PARP3: variants seen among roughly 807,000 people sequenced by gnomAD.
PARP3 encodes the protein poly(ADP-ribose) polymerase family member 3, also known as protein mono-ADP-ribosyltransferase PARP3.
A neutral mutation model predicts 58.2 loss-of-function variants in PARP3; 46 were observed. The ratio of observed to expected loss-of-function variants is 0.79; its 90% CI spans 0.62 to 1.01. PARP3 has a LOEUF of 1.01. PARP3 is among the 50% of genes least tolerant of loss of function. The probability of loss-of-function intolerance (pLI) is 0.00; values close to 1 mark genes in which losing one functional copy is unlikely to be tolerated. For missense variants in PARP3, 663 were observed against 683.9 expected, an observed-to-expected ratio of 0.97 and a Z score of 0.34; for synonymous variants, 252 against 266.4, an observed-to-expected ratio of 0.95 and a Z score of 0.53.
rs1699736023 is a variant in PARP3, at chr3:51,948,602, T to C, written c.*122T>C. 5 of 860,586 alleles carry C rather than the reference T, an allele frequency of 5.8e-6. No individual in the cohort carries two copies. The highest frequency in any genetic ancestry group is 8.9e-6 in the Non-Finnish European group (5 of 560,544). The allele number at this position is 860,586 out of a possible 1,614,324, so 53.3% of individuals were successfully genotyped here. ...GAATACAATACGTTGTTGTTAACTATAGTCACCATGCTGTACAAGATCCCT... is the reference window on the plus strand; with the variant it reads ...GAATACAATACGTTGTTGTTAACTACAGTCACCATGCTGTACAAGATCCCT... On this transcript the variant is annotated 3_prime_UTR_variant, in exon 11 of 11. Transcript: ENST00000398755.
Position 51,946,399 on chromosome 3 carries a change from C to A in PARP3, c.1276+56C>A. Reference sequence around the variant, plus strand: ...AGGGTTGGCACTAAGATGGATTGGGCCCAGTCCTTGGCCACTGGAAATTCA... The same window carrying A: ...AGGGTTGGCACTAAGATGGATTGGGACCAGTCCTTGGCCACTGGAAATTCA... On this transcript the variant is annotated intron_variant, in intron 9 of 10. Coordinates refer to ENST00000398755, the MANE Select transcript of PARP3 (RefSeq NM_001003931.4). The surrounding 1 kb of genome is among the most constrained non-coding windows in gnomAD (Gnocchi z 4.6). 2 of 1,413,096 alleles carry A rather than the reference C, an allele frequency of 1.4e-6. No homozygotes were observed. Among genetic ancestry groups the A allele is most frequent in the Non-Finnish European group, 1.9e-6 (2 of 1,034,326 alleles). The allele number at this position is 1,413,096 out of a possible 1,614,324, so 87.5% of individuals were successfully genotyped here. A position where few individuals can be genotyped will look rare whatever the true frequency, so the allele number is the denominator to read the frequency against.
rs1699636485 is a variant in PARP3, at chr3:51,944,936, G to A, written c.634+26G>A. 3.7e-6 allele frequency: 6 copies of A among 1,613,278 alleles called. No homozygotes were observed. Among genetic ancestry groups the A allele is most frequent in the South Asian group, 1.1e-5 (1 of 91,074 alleles). ...GTGAGGGGTGAGAGGCAGGCAGGGTGGCAGGGGCCTCAGGGTGGCAGGGCT... is the reference window on the plus strand; with the variant it reads ...GTGAGGGGTGAGAGGCAGGCAGGGTAGCAGGGGCCTCAGGGTGGCAGGGCT... On this transcript the variant is annotated intron_variant, in intron 5 of 10. Transcript: ENST00000398755. This position sits in a 1 kb window ranked among gnomAD's most constrained non-coding sequence, Gnocchi z 4.2.
At position 51,944,934 on chromosome 3, in the gene PARP3, G is replaced by A. The variant is rs759898476; in HGVS notation, c.634+24G>A. ...GGGTGAGGGGTGAGAGGCAGGCAGG[G>A]TGGCAGGGGCCTCAGGGTGGCAGGG... On this transcript the variant is annotated intron_variant, in intron 5 of 10. Transcript: ENST00000398755. The surrounding 1 kb of genome is among the most constrained non-coding windows in gnomAD (Gnocchi z 4.2). The A allele has an allele frequency of 5.0e-6, 8 of 1,613,320 alleles. No homozygotes were observed. The Middle Eastern group carries it at 4.9e-4, about 99-fold the overall frequency.
rs1222216634 is a variant in PARP3, at chr3:51,948,655, G to A, written c.*175G>A. 4.9e-6 allele frequency: 3 copies of A among 609,472 alleles called. No individual in the cohort carries two copies. The highest frequency in any genetic ancestry group is 8.4e-6 in the Non-Finnish European group (3 of 356,566). 37.8% of individuals were successfully genotyped at this position (609,472 alleles called of 1,614,324 possible). A position where few individuals can be genotyped will look rare whatever the true frequency, so the allele number is the denominator to read the frequency against. On this transcript the variant is annotated 3_prime_UTR_variant, in exon 11 of 11. Coordinates refer to ENST00000398755, the MANE Select transcript of PARP3 (RefSeq NM_001003931.4). ...ACTTATGCCTCCTAACTGAAATTTT[G>A]TATTCTTTGACACATCTGCCCAGTC...
At chr3:51,947,166 C>G (rs182636457) in intron 9 of PARP3, among the ~76,000 whole-genome samples, 71 of 152,288 alleles carry the variant, frequency 4.7e-4, no homozygotes, top group Admixed American at 2.7e-3. Context: ...CCAGTGACTT[C>G]TGAGTTTCTG....
Position 51,944,647 on chromosome 3 carries a change from G to A in PARP3, c.501+69G>A, listed in dbSNP as rs951053569. On this transcript the variant is annotated intron_variant, in intron 4 of 10. Coordinates refer to ENST00000398755, the MANE Select transcript of PARP3 (RefSeq NM_001003931.4). This position sits in a 1 kb window ranked among gnomAD's most constrained non-coding sequence, Gnocchi z 4.2. Reference sequence around the variant, plus strand: ...GGGACTCGTTGGAGAGTTCCCGCTGGTTGGGCTCTGCCACTGCCCAGCTGC... The same window carrying A: ...GGGACTCGTTGGAGAGTTCCCGCTGATTGGGCTCTGCCACTGCCCAGCTGC... 3 of 1,584,996 alleles carry A rather than the reference G, an allele frequency of 1.9e-6. No individual in the cohort carries two copies. Among genetic ancestry groups the A allele is most frequent in the Non-Finnish European group, 1.7e-6 (2 of 1,161,282 alleles).
At position 51,948,526 on chromosome 3, in the gene PARP3, T is replaced by C. The variant is rs774536705; in HGVS notation, c.*46T>C. ...GGTCCTGCAAGGCTGGACTGTGATC[T>C]TCAATCATCCTGCCCATCTCTGGTA... On this transcript the variant is annotated 3_prime_UTR_variant, in exon 11 of 11. Coordinates refer to ENST00000398755, the MANE Select transcript of PARP3 (RefSeq NM_001003931.4). 2 of 1,563,598 alleles carry C rather than the reference T, an allele frequency of 1.3e-6. No homozygotes were observed.
Position 51,947,743 on chromosome 3 carries a change from T to C in PARP3, c.1280T>C (p.Ile427Thr), listed in dbSNP as rs1343349194. 7 of 1,613,972 alleles carry C rather than the reference T, an allele frequency of 4.3e-6. No homozygotes were observed. The highest frequency in any genetic ancestry group is 3.3e-5 in the South Asian group (3 of 91,078). ...SENSKSAGYV[I>T]GMKCGAHHVG... ...GGTGCCTCCCTGTGTCTTGCAGTTA[T>C]TGGCATGAAGTGTGGGGCCCACCAT... The change falls in exon 10 of 11, where the codon ATT becomes ACT. Residue 427 changes from isoleucine (I) to threonine (T), a missense_variant. Coordinates refer to ENST00000398755, the MANE Select transcript of PARP3 (RefSeq NM_001003931.4).
intron 9 of PARP3, 197 bp from the exon 10 acceptor site, chr3:51,947,543 A>G: frequency 1.6e-6 from 1 of 615,166 alleles, no homozygotes; most frequent in Non-Finnish European, 2.9e-6. Flanking sequence ...CAGAGGGTAC[A>G]GATGCCTGGC....
At position 51,942,952 on chromosome 3, in the gene PARP3, C is replaced by G. The variant is rs1577655433; in HGVS notation, c.-3+244C>G. The G allele has an allele frequency of 9.6e-5, 136 of 1,411,944 alleles. 1 individual carries two copies. In the South Asian group the frequency reaches 2.1e-3, roughly 21 times the overall value. The allele number at this position is 1,411,944 out of a possible 1,614,324, so 87.5% of individuals were successfully genotyped here. On this transcript the variant is annotated intron_variant, in intron 1 of 10. Coordinates refer to ENST00000398755, the MANE Select transcript of PARP3 (RefSeq NM_001003931.4). ...TAGCTCGGTGACTCGGCCCGGCAAC[C>G]ATGCCAGGGCTGAACTAGCTGACAC...
In PARP3 at chr3:51,942,477, G is replaced by A; in HGVS notation, c.-234G>A. On this transcript the variant is annotated 5_prime_UTR_variant, in exon 1 of 11. The change creates a premature stop within an existing upstream ORF in the 5' untranslated region. Transcript: ENST00000398755. ...GAGTGTCCACCCGTCCGTGGGACTG[G>A]TCGCCTGACTCGGCCTGCCCCAGCC... is the stretch of plus-strand genomic sequence containing the variant. 1 of 644,502 alleles carries A rather than the reference G, an allele frequency of 1.6e-6. No individual in the cohort carries two copies. 39.9% of individuals were successfully genotyped at this position (644,502 alleles called of 1,614,324 possible).
In PARP3 at chr3:51,942,675, G is replaced by A. The variant is rs1471655350; in HGVS notation, c.-36G>A. On this transcript the variant is annotated 5_prime_UTR_variant, in exon 1 of 11. Transcript: ENST00000398755. Reference sequence around the variant, plus strand: ...GCGCACACAACCAGGCCGGGTGGCAGCCAGGACCTCTCCCATGTCCCTGCT... The same window carrying A: ...GCGCACACAACCAGGCCGGGTGGCAACCAGGACCTCTCCCATGTCCCTGCT... 1 of 1,505,280 alleles carries A rather than the reference G, an allele frequency of 6.6e-7. No homozygotes were observed. Among genetic ancestry groups the A allele is most frequent in the Non-Finnish European group, 9.1e-7 (1 of 1,100,412 alleles). The allele number at this position is 1,505,280 out of a possible 1,614,324, so 93.2% of individuals were successfully genotyped here.
In PARP3 at chr3:51,944,652, G is replaced by C. The variant is rs763819817; in HGVS notation, c.501+74G>C. The C allele has an allele frequency of 3.5e-4, 560 of 1,581,396 alleles. No individual in the cohort carries two copies. Among genetic ancestry groups the C allele is most frequent in the Non-Finnish European group, 4.8e-4 (551 of 1,158,924 alleles). Reference sequence around the variant, plus strand: ...TCGTTGGAGAGTTCCCGCTGGTTGGGCTCTGCCACTGCCCAGCTGCGCAGC... The same window carrying C: ...TCGTTGGAGAGTTCCCGCTGGTTGGCCTCTGCCACTGCCCAGCTGCGCAGC... On this transcript the variant is annotated intron_variant, in intron 4 of 10. Transcript: ENST00000398755. This position sits in a 1 kb window ranked among gnomAD's most constrained non-coding sequence, Gnocchi z 4.2.
chr3:51,946,941 G>A lies in PARP3; in HGVS notation c.1276+598G>A, dbSNP rs1283109460. ...AGGAGGCTTTATCCAGAGAGTGATG[G>A]TTAGCCCAGCTGGACTTGTCTGTAG... is the stretch of plus-strand genomic sequence containing the variant. On this transcript the variant is annotated intron_variant, in intron 9 of 10. Transcript: ENST00000398755. The surrounding 1 kb of genome is among the most constrained non-coding windows in gnomAD (Gnocchi z 4.6). 6.6e-6 allele frequency among the ~76,000 whole-genome samples: 1 copy of A among 152,214 alleles called. No individual in the cohort carries two copies. Among genetic ancestry groups the A allele is most frequent in the Non-Finnish European group, 1.5e-5 (1 of 68,042 alleles).
chr3:51,948,325 A>G lies in PARP3; in HGVS notation c.1447A>G (p.Thr483Ala). 3 of 1,613,820 alleles carry G rather than the reference A, an allele frequency of 1.9e-6. No homozygotes were observed. Among genetic ancestry groups the G allele is most frequent in the Non-Finnish European group, 2.5e-6 (3 of 1,179,778 alleles). Residue 483 changes from threonine to alanine, a missense_variant, in exon 11 of 11, where the codon ACT (threonine) becomes GCT (alanine). Coordinates refer to ENST00000398755, the MANE Select transcript of PARP3 (RefSeq NM_001003931.4). The part of the protein sequence containing the change: ...GHTEPDPTQD[T>A]ELELDGQQVV... ...GTGCCCTGCAGATCCGACCCAGGAC[A>G]CTGAGTTGGAGCTGGATGGCCAGCA... is the stretch of plus-strand genomic sequence containing the variant.
intron 7 of PARP3, 69 bp from the exon 8 acceptor site, chr3:51,945,784 G>A (rs1391747754): frequency 1.2e-5 from 19 of 1,540,282 alleles, no homozygotes; most frequent in Admixed American, 3.3e-5. Flanking sequence ...CTTGGGACTG[G>A]GGGAAGAAAA....
rs147106158 is a variant in PARP3, at chr3:51,945,502, C to T, written c.869C>T (p.Ala290Val). 37 of 1,613,146 alleles carry T rather than the reference C, an allele frequency of 2.3e-5. No individual in the cohort carries two copies. The highest frequency in any genetic ancestry group is 2.0e-4 in the African/African-American group (15 of 75,022). ...QAKKDMLLVL[A>V]DIELAQALQA... ...CAGGGCCCATCATCCTAGGTGCTGG[C>T]GGACATCGAGCTGGCCCAGGCCCTG... Residue 290 changes from alanine to valine, a missense_variant, in exon 7 of 11, where the codon GCG (alanine) becomes GTG (valine). By Grantham distance (64) the Ala-to-Val change is moderately conservative (BLOSUM62 0). Transcript: ENST00000398755.
chr3:51,947,346 G>T (rs1022767262), intron 9 of PARP3, among the ~76,000 whole-genome samples: 3 of 152,188 alleles, frequency 2.0e-5, no homozygotes, highest in African/African-American at 7.2e-5. Flanking sequence ...AGAGCAAGGG[G>T]TCCACCAGGA....
intron 1 of PARP3, 144 bp downstream of exon 1, chr3:51,942,852 C>T: frequency 6.9e-7 from 1 of 1,451,370 alleles, no homozygotes; most frequent in Non-Finnish European, 9.1e-7. Context: ...TTCTACAGCT[C>T]TGGGTTCTAA....
Sources: allele counts gnomAD v4.1 joint callset (sites outside exome capture counted in the v4.1 genomes callset), GRCh38; gene constraint gnomAD v4.1.1; non-coding constraint Gnocchi (gnomAD v3.1); transcripts MANE v1.5; gene names NCBI Gene and HGNC (gene_info 2026-07-23, HGNC 2026-07-21).